ERBB4: variants seen among roughly 807,000 people sequenced by gnomAD.
ERBB4 encodes the protein receptor tyrosine-protein kinase erbB-4.
In ERBB4, 42 loss-of-function variants were observed where a neutral mutation model predicts 158.0. The ratio of observed to expected loss-of-function variants is 0.27; its 90% CI spans 0.21 to 0.34. The LOEUF (loss-of-function observed/expected upper bound fraction) is 0.34. ERBB4 is among the 10% of genes least tolerant of loss of function. ERBB4 has a pLI of 1.00. For missense variants in ERBB4, 1,333 were observed against 1,624.1 expected (o/e 0.82, Z 3.08); for synonymous variants, 583 against 558.7 (o/e 1.04, Z -0.61).
intron 1 of ERBB4, among the ~76,000 whole-genome samples, chr2:212,128,241 T>C (rs1316103015): frequency 6.6e-6 from 1 of 152,212 alleles, no homozygotes; most frequent in Non-Finnish European, 1.5e-5. Context: ...TTCATTGTAA[T>C]AGACTGCACA....
intron 1 of ERBB4, among the ~76,000 whole-genome samples, chr2:212,304,671 A>G (rs1223238872): frequency 6.6e-6 from 1 of 151,516 alleles, no homozygotes; most frequent in Admixed American, 6.6e-5. Context: ...CAAGGGTGGA[A>G]GGTTGACACA....
chr2:211,974,569 CTCCT>C (rs2081550158), intron 2 of ERBB4, among the ~76,000 whole-genome samples: 1 of 152,126 alleles, frequency 6.6e-6, no homozygotes. Context: ...ATCTCCAAGA[CTCCT>C]TCCAGTTTTA....
chr2:211,489,685 ATTGAT>A (rs1337134109), intron 20 of ERBB4, among the ~76,000 whole-genome samples: 4 of 151,984 alleles, frequency 2.6e-5, no homozygotes, highest in Non-Finnish European at 4.4e-5. Flanking sequence ...ATATGAAGGT[ATTGAT>A]TTAATATTTC....
intron 1 of ERBB4, among the ~76,000 whole-genome samples, chr2:212,153,142 G>C (rs1338935000): frequency 1.3e-5 from 2 of 152,172 alleles, no homozygotes; most frequent in African/African-American, 4.8e-5. Context: ...ACTGATAGGG[G>C]AACCTACTAA....
intron 4 of ERBB4, among the ~76,000 whole-genome samples, chr2:211,787,680 T>C (rs1175490073): frequency 6.6e-6 from 1 of 152,156 alleles, no homozygotes; most frequent in Non-Finnish European, 1.5e-5. Flanking sequence ...TTTGTCTCAA[T>C]GGGATATGGG....
intron 20 of ERBB4, among the ~76,000 whole-genome samples, chr2:211,476,570 GAA>G (rs56393638): frequency 0.011 from 1,572 of 140,494 alleles, 20 homozygotes; most frequent in African/African-American, 0.037. Flanking sequence ...AAAAAATGAA[GAA>G]AAAAAAAAAA....
intron 4 of ERBB4, among the ~76,000 whole-genome samples, chr2:211,765,070 AG>A (rs1575113346): frequency 6.6e-6 from 1 of 152,166 alleles, no homozygotes. Flanking sequence ...GCATGGAAAA[AG>A]GTGCCCCTCC....
intron 3 of ERBB4, among the ~76,000 whole-genome samples, chr2:211,933,875 T>C (rs2080241414): frequency 6.6e-6 from 1 of 152,016 alleles, no homozygotes; most frequent in Non-Finnish European, 1.5e-5. Context: ...CCAAAATATG[T>C]GCTAAATTTA....
chr2:211,524,341 A>C (rs923633095), intron 20 of ERBB4, among the ~76,000 whole-genome samples: 1 of 152,118 alleles, frequency 6.6e-6, no homozygotes, highest in Non-Finnish European at 1.5e-5. Context: ...CGGGGGCTGC[A>C]GGTGGAGCTG....
intron 27 of ERBB4, 129 bp from the exon 28 acceptor site, chr2:211,384,189 CACA>C (rs1452154774): frequency 1.5e-5 from 10 of 685,878 alleles, no homozygotes; most frequent in Middle Eastern, 3.6e-4. Context: ...CATGATTTCT[CACA>C]ACAAGTATTT....
chr2:211,683,356 C>T (rs1162612675), intron 12 of ERBB4, among the ~76,000 whole-genome samples: 1 of 152,116 alleles, frequency 6.6e-6, no homozygotes, highest in African/African-American at 2.4e-5. Context: ...CCCATTAGAG[C>T]TCCATTGCTG....
intron 4 of ERBB4, among the ~76,000 whole-genome samples, chr2:211,786,598 C>T (rs1303150991): frequency 6.6e-6 from 1 of 152,202 alleles, no homozygotes; most frequent in Non-Finnish European, 1.5e-5. Context: ...GTGCAGCAAA[C>T]CCCTCAGACC....
chr2:211,993,856 GA>G (rs1006512946), intron 2 of ERBB4, among the ~76,000 whole-genome samples: 6 of 150,514 alleles, frequency 4.0e-5, no homozygotes, highest in Admixed American at 1.3e-4. Flanking sequence ...GTGTTTCTTA[GA>G]AAAAAAGAAT....
At chr2:212,139,445 T>C (rs2080373663) in intron 1 of ERBB4, among the ~76,000 whole-genome samples, 1 of 152,004 alleles carries the variant, frequency 6.6e-6, no homozygotes, top group African/African-American at 2.4e-5. Context: ...AATAAAGGTA[T>C]CAAAAATATA....
chr2:211,546,001 C>T (rs1480072877), intron 20 of ERBB4, among the ~76,000 whole-genome samples: 3 of 151,990 alleles, frequency 2.0e-5, no homozygotes, highest in African/African-American at 7.2e-5. Context: ...GCTCACCCTC[C>T]CTTTCCATAA....
At chr2:211,713,414 C>T (rs547113820) in intron 8 of ERBB4, 121 bp downstream of exon 8, 71 of 704,460 alleles carry the variant, frequency 1.0e-4, no homozygotes, top group South Asian at 8.3e-4. Context: ...TTATGGAAAG[C>T]GTGTGGGTAG....
intron 1 of ERBB4, among the ~76,000 whole-genome samples, chr2:212,207,043 A>G (rs1195442831): frequency 6.6e-6 from 1 of 152,020 alleles, no homozygotes; most frequent in Non-Finnish European, 1.5e-5. Flanking sequence ...AGCACAATTA[A>G]GTAGACTGAC....
intron 13 of ERBB4, among the ~76,000 whole-genome samples, chr2:211,675,224 C>A (rs62185370): frequency 0.99 from 150,205 of 152,156 alleles, 74,145 homozygotes; most frequent in East Asian, 1. Flanking sequence ...AGCTTTGTTC[C>A]CTTGGTTTTG....
At chr2:211,723,231 T>C (rs1165082322) in intron 6 of ERBB4, among the ~76,000 whole-genome samples, 2 of 152,210 alleles carry the variant, frequency 1.3e-5, no homozygotes, top group African/African-American at 4.8e-5. Flanking sequence ...ACTCAATTTA[T>C]TAATATTTTC....
Sources: allele counts gnomAD v4.1 joint callset (sites outside exome capture counted in the v4.1 genomes callset), GRCh38; gene constraint gnomAD v4.1.1; transcripts MANE v1.5; gene names NCBI Gene and HGNC (gene_info 2026-07-23, HGNC 2026-07-21).